The following DLGAP2 variants were observed in gnomAD, a reference collection of about 807,000 sequenced individuals.
DLGAP2 encodes disks large-associated protein 2.
In DLGAP2, 26 loss-of-function variants were observed where a neutral mutation model predicts 100.3. The ratio of observed to expected loss-of-function variants is 0.26; its 90% CI spans 0.19 to 0.36. The LOEUF is 0.36. DLGAP2 is among the 10% of genes least tolerant of loss of function. The pLI is 1.00. For missense variants in DLGAP2, 1,858 were observed against 1,453.2 expected, an observed-to-expected ratio of 1.28 and a Z score of -4.53; for synonymous variants, 886 against 630.1, an observed-to-expected ratio of 1.41 and a Z score of -6.08.
At position 1,273,936 on chromosome 8, in the gene DLGAP2, G is replaced by A. The variant is rs1799632151; in HGVS notation, c.106+15053G>A. ...GCTCTGACTCTGGACAATAAGGTGT[G>A]TGCTCACTAATGCTCTTTCTGATTT... On this transcript the variant is annotated intron_variant, in intron 3 of 14. Coordinates refer to ENST00000637795, the MANE Select transcript of DLGAP2 (RefSeq NM_001346810.2). Among the ~76,000 whole-genome samples the A allele has an allele frequency of 2.0e-5, 3 of 152,298 alleles. No homozygotes were observed. The South Asian group carries it at 6.2e-4, about 32-fold the overall frequency.
chr8:1,439,184 C>G (rs1192154499), intron 3 of DLGAP2, among the ~76,000 whole-genome samples: 1 of 152,132 alleles, frequency 6.6e-6, no homozygotes, highest in Non-Finnish European at 1.5e-5. Flanking sequence ...GAATGAAAAG[C>G]ATAGTCCGCC....
At chr8:742,533 G>A (rs932615547) in intron 1 of DLGAP2, among the ~76,000 whole-genome samples, 1 of 152,192 alleles carries the variant, frequency 6.6e-6, no homozygotes, top group African/African-American at 2.4e-5. Flanking sequence ...TTTAGAGACA[G>A]GGTCTCCCTC....
intron 3 of DLGAP2, among the ~76,000 whole-genome samples, chr8:1,321,053 CTAAG>C (rs933225883): frequency 1.3e-4 from 20 of 150,898 alleles, no homozygotes; most frequent in Non-Finnish European, 2.5e-4. Flanking sequence ...CCATGTGTCT[CTAAG>C]TGTGCACATG....
chr8:1,676,764 A>C (rs1798820704), intron 11 of DLGAP2, 146 bp downstream of exon 11: 1 of 770,708 alleles, frequency 1.3e-6, no homozygotes, highest in South Asian at 1.9e-5. Context: ...TCCATTGATA[A>C]CCCTCAAGTA....
intron 2 of DLGAP2, among the ~76,000 whole-genome samples, chr8:1,227,374 A>G (rs537269739): frequency 3.3e-5 from 5 of 149,732 alleles, no homozygotes; most frequent in South Asian, 2.1e-4. Context: ...CAACTCTTCC[A>G]CTTGTTTGTT....
At chr8:987,646 C>G (rs540855300) in intron 2 of DLGAP2, among the ~76,000 whole-genome samples, 1 of 152,160 alleles carries the variant, frequency 6.6e-6, no homozygotes, top group Non-Finnish European at 1.5e-5. Context: ...TACTGCAGCT[C>G]GTGGGAATCC....
chr8:907,870 C>T lies in DLGAP2; in HGVS notation c.19-42C>T, dbSNP rs113816663. ...AGTTAATGAGATGCCTTCCTCCACG[C>T]GAATGATAACAAATGTATTTTATTT... On this transcript the variant is annotated intron_variant, in intron 1 of 14. Coordinates refer to ENST00000637795, the MANE Select transcript of DLGAP2 (RefSeq NM_001346810.2). The T allele has an allele frequency of 3.4e-3, 1,360 of 398,596 alleles. 13 individuals are homozygous for T. Among genetic ancestry groups the T allele is most frequent in the African/African-American group, 0.025 (1,210 of 48,724 alleles). 24.7% of individuals were successfully genotyped at this position (398,596 alleles called of 1,614,324 possible). A position where few individuals can be genotyped will look rare whatever the true frequency, so the allele number is the denominator to read the frequency against.
In DLGAP2 at chr8:1,551,424, A is replaced by C. The variant is rs143882611; in HGVS notation, c.1230+1741A>C. The stretch of plus-strand genomic sequence containing the variant: ...AGCCTCCAGGTTTTGCCCCAGGGTC[A>C]CCTGCCTCCAATGCCTGCCACTCTC... On this transcript the variant is annotated intron_variant, in intron 5 of 14. Coordinates refer to ENST00000637795, the MANE Select transcript of DLGAP2 (RefSeq NM_001346810.2). Among the ~76,000 whole-genome samples, 723 of 152,088 alleles carry C rather than the reference A, an allele frequency of 4.8e-3. 9 individuals are homozygous for C. Among genetic ancestry groups the C allele is most frequent in the African/African-American group, 0.016 (674 of 41,506 alleles).
At chr8:1,558,597 C>T (rs962367058) in intron 5 of DLGAP2, among the ~76,000 whole-genome samples, 11 of 150,398 alleles carry the variant, frequency 7.3e-5, no homozygotes, top group African/African-American at 2.7e-4. Context: ...CATGCATGCA[C>T]ACCCATATGC....
intron 1 of DLGAP2, among the ~76,000 whole-genome samples, chr8:865,720 G>T (rs915628595): frequency 2.6e-5 from 4 of 152,156 alleles, no homozygotes; most frequent in Admixed American, 1.3e-4. Context: ...TTATAAGGCC[G>T]CTGTGAGCTG....
At chr8:1,546,232 T>TATATTTAA (rs1201431843) in intron 4 of DLGAP2, among the ~76,000 whole-genome samples, 1 of 152,244 alleles carries the variant, frequency 6.6e-6, no homozygotes, top group African/African-American at 2.4e-5. Context: ...ACAGTGAGGC[T>TATATTTAA]CACCTTGAAG....
At chr8:1,601,402 T>A (rs1796619509) in intron 6 of DLGAP2, among the ~76,000 whole-genome samples, 1 of 152,214 alleles carries the variant, frequency 6.6e-6, no homozygotes, top group Non-Finnish European at 1.5e-5. Flanking sequence ...TCGAGCGCTG[T>A]GCTGGGAGAG....
chr8:1,518,483 A>G (rs1584978591), intron 4 of DLGAP2, among the ~76,000 whole-genome samples: 1 of 152,228 alleles, frequency 6.6e-6, no homozygotes, highest in Non-Finnish European at 1.5e-5. Context: ...CAAAGCTGAC[A>G]TTTATATAAC....
At chr8:1,023,189 C>G (rs1265514113) in intron 2 of DLGAP2, among the ~76,000 whole-genome samples, 1 of 152,128 alleles carries the variant, frequency 6.6e-6, no homozygotes, top group Non-Finnish European at 1.5e-5. Context: ...GTTCAGATGC[C>G]CAGGGCCAAG....
At chr8:1,592,235 C>A (rs1584965050) in intron 6 of DLGAP2, among the ~76,000 whole-genome samples, 1 of 152,308 alleles carries the variant, frequency 6.6e-6, no homozygotes, top group East Asian at 1.9e-4. Context: ...TTACCAAGAT[C>A]CTTCACAAAA....
chr8:1,078,903 C>T (rs138412406), intron 2 of DLGAP2, among the ~76,000 whole-genome samples: 2 of 152,320 alleles, frequency 1.3e-5, no homozygotes, highest in East Asian at 1.9e-4. Context: ...GTTTTCAACT[C>T]ATCCAGGTAA....
chr8:1,242,320 T>G (rs62487820), intron 2 of DLGAP2, among the ~76,000 whole-genome samples: 16,575 of 152,154 alleles, frequency 0.11, 1,030 homozygotes, highest in South Asian at 0.15. Flanking sequence ...AGGGCGGGGT[T>G]CTGGAGGATT....
At chr8:1,596,038 A>G (rs1257923519) in intron 6 of DLGAP2, among the ~76,000 whole-genome samples, 22 of 104,242 alleles carry the variant, frequency 2.1e-4, no homozygotes, top group African/African-American at 7.8e-4. Context: ...CCACCCCCCA[A>G]CAGGCCCCTG....
At chr8:1,279,201 A>T (rs532826862) in intron 3 of DLGAP2, among the ~76,000 whole-genome samples, 2 of 152,216 alleles carry the variant, frequency 1.3e-5, no homozygotes, top group East Asian at 3.9e-4. Context: ...TCTTAACCTC[A>T]AAAGCCCTTT....
Sources: allele counts gnomAD v4.1 joint callset (sites outside exome capture counted in the v4.1 genomes callset), GRCh38; gene constraint gnomAD v4.1.1; transcripts MANE v1.5; gene names NCBI Gene and HGNC (gene_info 2026-07-23, HGNC 2026-07-21).